Variants in NOS1AP observed in about 807,000 individuals in gnomAD.
The protein encoded by NOS1AP is carboxyl-terminal PDZ ligand of neuronal nitric oxide synthase protein.
Under a neutral mutation model 56.2 loss-of-function variants are expected in NOS1AP, and 21 were observed. The ratio of observed to expected loss-of-function variants is 0.37; its 90% CI spans 0.26 to 0.54. The LOEUF (loss-of-function observed/expected upper bound fraction) is 0.54, where lower values mean the gene tolerates loss of function less well. Among genes scored for constraint, NOS1AP ranks in the 20% least tolerant of loss-of-function variants. The pLI, the probability that NOS1AP is intolerant of heterozygous loss-of-function variation, is 0.84. For missense variants in NOS1AP, 522 were observed against 657.8 expected (o/e 0.79, Z 2.26); for synonymous variants, 270 against 274.6 (o/e 0.98, Z 0.17).
intron 6 of NOS1AP, 53 bp from the exon 7 acceptor site, chr1:162,355,134 C>T: frequency 1.2e-6 from 2 of 1,603,768 alleles, no homozygotes; most frequent in Non-Finnish European, 1.7e-6. Flanking sequence ...GAAAGGAGGA[C>T]TTTGTTCTCG....
chr1:162,261,285 A>G (rs1327139583), intron 2 of NOS1AP, among the ~76,000 whole-genome samples: 2 of 138,156 alleles, frequency 1.4e-5, no homozygotes, highest in Admixed American at 1.6e-4. Context: ...ACAATATTTT[A>G]TAACCTTTCA....
At chr1:162,286,879 G>T (rs3934880) in intron 2 of NOS1AP, among the ~76,000 whole-genome samples, 44,121 of 152,060 alleles carry the variant, frequency 0.29, 6,819 homozygotes, top group East Asian at 0.59. Context: ...AACTTTTAGA[G>T]AGTAATTGAG....
intron 1 of NOS1AP, 118 bp from the exon 2 acceptor site, chr1:162,154,287 C>T (rs891269078): frequency 2.4e-6 from 2 of 847,728 alleles, no homozygotes; most frequent in African/African-American, 3.4e-5. Context: ...CCTGCTGGCT[C>T]TTAATTTCTT....
intron 2 of NOS1AP, among the ~76,000 whole-genome samples, chr1:162,261,807 A>G (rs781441124): frequency 9.9e-5 from 15 of 152,200 alleles, no homozygotes; most frequent in Non-Finnish European, 1.9e-4. Flanking sequence ...CAGCTTTGCG[A>G]TGGACATAGT....
At chr1:162,156,945 T>C (rs1650000103) in intron 2 of NOS1AP, among the ~76,000 whole-genome samples, 1 of 152,172 alleles carries the variant, frequency 6.6e-6, no homozygotes, top group Non-Finnish European at 1.5e-5. Context: ...AGGCTCTTTG[T>C]GACCCTAATA....
In NOS1AP at chr1:162,214,269, G is replaced by GTTCA. The variant is rs57608978; in HGVS notation, c.177+59818_177+59821dup. Among the ~76,000 whole-genome samples the GTTCA allele has an allele frequency of 3.0e-3, 451 of 150,778 alleles. 1 individual carries two copies. The highest frequency in any genetic ancestry group is 5.1e-3 in the African/African-American group (206 of 40,704). ...TGTTTGCTTGTTCATTCGTTCGTTC[G>GTTCA]TTCATTCATTCATTCATTCATTCAT... is the stretch of plus-strand genomic sequence containing the variant. On this transcript the variant is annotated intron_variant, in intron 2 of 9. Coordinates refer to ENST00000361897, the MANE Select transcript of NOS1AP (RefSeq NM_014697.3).
chr1:162,071,694 T>C (rs1691662396), intron 1 of NOS1AP, among the ~76,000 whole-genome samples: 1 of 152,110 alleles, frequency 6.6e-6, no homozygotes, highest in Non-Finnish European at 1.5e-5. Context: ...ACCTGGTCGG[T>C]GGGTCTAAGA....
chr1:162,077,237 T>C (rs1285232758), intron 1 of NOS1AP, among the ~76,000 whole-genome samples: 1 of 152,236 alleles, frequency 6.6e-6, no homozygotes, highest in Middle Eastern at 3.2e-3. Context: ...GTCTGACTTT[T>C]TGATTCTAGC....
At chr1:162,212,925 A>C (rs1652421271) in intron 2 of NOS1AP, among the ~76,000 whole-genome samples, 1 of 152,136 alleles carries the variant, frequency 6.6e-6, no homozygotes, top group South Asian at 2.1e-4. Context: ...GAGCCTAGAG[A>C]CTGTTCCTCG....
intron 2 of NOS1AP, among the ~76,000 whole-genome samples, chr1:162,227,646 A>G (rs1000510975): frequency 1.3e-5 from 2 of 152,216 alleles, no homozygotes; most frequent in Non-Finnish European, 2.9e-5. Flanking sequence ...CAGCACACAC[A>G]TATCTTATGT....
intron 2 of NOS1AP, among the ~76,000 whole-genome samples, chr1:162,199,632 GTGTGTGTGTCTGTGTGTA>G (rs1314267780): frequency 2.4e-4 from 34 of 143,974 alleles, no homozygotes; most frequent in African/African-American, 5.3e-4. Flanking sequence ...GTGTGTGTGT[GTGTGTGTGTCTGTGTGTA>G]AATTCTTGCA....
intron 4 of NOS1AP, among the ~76,000 whole-genome samples, chr1:162,331,747 TC>T (rs1656777454): frequency 6.6e-6 from 1 of 152,158 alleles, no homozygotes; most frequent in Non-Finnish European, 1.5e-5. Flanking sequence ...AGCAATACAC[TC>T]CTTGGACTGC....
rs191705606 is a variant in NOS1AP, at chr1:162,106,850, C to T, written c.105+36568C>T. Among the ~76,000 whole-genome samples, 3 of 152,260 alleles carry T rather than the reference C, an allele frequency of 2.0e-5. No homozygotes were observed. The East Asian group carries it at 5.8e-4, about 29-fold the overall frequency. On this transcript the variant is annotated intron_variant, in intron 1 of 9. Coordinates refer to ENST00000361897, the MANE Select transcript of NOS1AP (RefSeq NM_014697.3). ...GTGGGGGAATGGGCAATTCCCAGTA[C>T]AATTAAATCTACAGTAAATCTGAAG...
intron 2 of NOS1AP, among the ~76,000 whole-genome samples, chr1:162,225,109 A>G (rs1176169240): frequency 1.3e-5 from 2 of 152,212 alleles, no homozygotes; most frequent in Non-Finnish European, 2.9e-5. Context: ...CTTGAAGTCA[A>G]ACCATTTAAT....
chr1:162,070,119 C>A lies in NOS1AP; in HGVS notation c.-59C>A. On this transcript the variant is annotated 5_prime_UTR_variant, in exon 1 of 10. Coordinates refer to ENST00000361897, the MANE Select transcript of NOS1AP (RefSeq NM_014697.3). Reference sequence around the variant, plus strand: ...AGCTCCAGTCTCCCCTCCCCGGGGTCTCGCCAGCCCCTTCCTGCAGCCGCC... The same window carrying A: ...AGCTCCAGTCTCCCCTCCCCGGGGTATCGCCAGCCCCTTCCTGCAGCCGCC... 7.1e-7 allele frequency: 1 copy of A among 1,413,596 alleles called. No individual in the cohort carries two copies. The highest frequency in any genetic ancestry group is 1.0e-6 in the Non-Finnish European group (1 of 1,000,518). The allele number at this position is 1,413,596 out of a possible 1,614,324, so 87.6% of individuals were successfully genotyped here.
chr1:162,338,940 G>T (rs1657021426), intron 5 of NOS1AP, among the ~76,000 whole-genome samples: 1 of 152,176 alleles, frequency 6.6e-6, no homozygotes, highest in African/African-American at 2.4e-5. Context: ...CCCACATTAG[G>T]TGTGCTGAGG....
intron 1 of NOS1AP, among the ~76,000 whole-genome samples, chr1:162,117,804 GGT>G (rs1648028947): frequency 6.6e-6 from 1 of 152,212 alleles, no homozygotes; most frequent in Non-Finnish European, 1.5e-5. Context: ...TACAGGAAAA[GGT>G]GCCTAGCCCA....
intron 2 of NOS1AP, among the ~76,000 whole-genome samples, chr1:162,202,080 G>C (rs1234206115): frequency 6.6e-6 from 1 of 152,110 alleles, no homozygotes; most frequent in South Asian, 2.1e-4. Flanking sequence ...TATCTGAAAG[G>C]TTGTCCTGGG....
chr1:162,257,250 C>T (rs947285807), intron 2 of NOS1AP, among the ~76,000 whole-genome samples: 2 of 152,042 alleles, frequency 1.3e-5, no homozygotes, highest in Non-Finnish European at 2.9e-5. Context: ...GGAGTTGGTA[C>T]ATTGGGAGGG....
Sources: gnomAD v4.1 joint callset for allele counts (sites outside exome capture counted in the v4.1 genomes callset) on GRCh38, gnomAD v4.1.1 for gene constraint, MANE v1.5 for transcripts, NCBI Gene and HGNC (gene_info 2026-07-23, HGNC 2026-07-21) for gene names.